DGKB: variants seen among roughly 807,000 people sequenced by gnomAD.
DGKB encodes the protein 90 kDa diacylglycerol kinase.
DGKB carries 67 observed loss-of-function variants against 114.3 expected under a neutral mutation model. The ratio of observed to expected loss-of-function variants is 0.59; its 90% CI spans 0.48 to 0.72. The LOEUF (loss-of-function observed/expected upper bound fraction) is 0.72. DGKB is among the 30% of genes least tolerant of loss of function. The pLI, the probability that DGKB is intolerant of heterozygous loss-of-function variation, is 0.00. For synonymous variants in DGKB, 398 were observed against 323.1 expected (o/e 1.23, Z -2.49); for missense variants, 907 against 975.2 (o/e 0.93, Z 0.93).
rs1272968730 is a variant in DGKB, at chr7:14,801,923, T to TACACAC, written c.70+39270_70+39271insGTGTGT. Among the ~76,000 whole-genome samples the TACACAC allele has an allele frequency of 2.1e-3, 232 of 109,038 alleles. 1 individual carries two copies. The Middle Eastern group carries it at 0.026, about 12-fold the overall frequency. The allele number at this position is 109,038 out of a possible 152,430, so 71.5% of individuals were successfully genotyped here. A position where few individuals can be genotyped will look rare whatever the true frequency, so the allele number is the denominator to read the frequency against. On this transcript the variant is annotated intron_variant, in intron 2 of 25. Coordinates refer to ENST00000402815, the MANE Select transcript of DGKB (RefSeq NM_001350709.2). ...ACACACATATACACACATATATACA[T>TACACAC]ATACACACACACACACACACACACG...
chr7:14,412,339 T>C (rs1825025157), intron 21 of DGKB, among the ~76,000 whole-genome samples: 1 of 152,190 alleles, frequency 6.6e-6, no homozygotes, highest in Non-Finnish European at 1.5e-5. Flanking sequence ...CTGATTGGGA[T>C]AATGCTACAA....
At chr7:14,166,277 A>T in intron 25 of DGKB, among the ~76,000 whole-genome samples, 2 of 152,330 alleles carry the variant, frequency 1.3e-5, no homozygotes, top group Middle Eastern at 6.8e-3. Flanking sequence ...TTTTCTCTCA[A>T]TGTGGTAAAT....
chr7:14,528,254 T>C, intron 20 of DGKB, among the ~76,000 whole-genome samples: 1 of 152,110 alleles, frequency 6.6e-6, no homozygotes, highest in Admixed American at 6.6e-5. Flanking sequence ...AAATAGCCCA[T>C]TCTCTCATGG....
intron 20 of DGKB, among the ~76,000 whole-genome samples, chr7:14,523,784 A>T (rs1325226818): frequency 6.6e-6 from 1 of 152,178 alleles, no homozygotes; most frequent in African/African-American, 2.4e-5. Context: ...TAGTAGAAAG[A>T]GCTTAAGTTT....
At chr7:14,935,043 G>A (rs1446070799) in intron 1 of DGKB, among the ~76,000 whole-genome samples, 1 of 152,148 alleles carries the variant, frequency 6.6e-6, no homozygotes, top group Non-Finnish European at 1.5e-5. Flanking sequence ...GTACAGGAAA[G>A]CATTCAAGTG....
intron 23 of DGKB, among the ~76,000 whole-genome samples, chr7:14,283,932 A>G (rs1800391164): frequency 6.6e-6 from 1 of 152,266 alleles, no homozygotes; most frequent in African/African-American, 2.4e-5. Context: ...CCTAGGCATT[A>G]CCATTCAGGA....
rs1197785050 is a variant in DGKB at position 14,817,415 on chromosome 7, C to T, written c.70+23779G>A. 2.0e-5 allele frequency among the ~76,000 whole-genome samples: 3 copies of T among 152,102 alleles called. No homozygotes were observed. The South Asian group carries it at 6.2e-4, about 32-fold the overall frequency. Reference sequence around the variant, plus strand: ...ACAAACAAAAAAGATGAAATCTAGCCAGATGCTATGATATTTTTTAAAAAA... The same window carrying T: ...ACAAACAAAAAAGATGAAATCTAGCTAGATGCTATGATATTTTTTAAAAAA... On this transcript the variant is annotated intron_variant, in intron 2 of 25. Transcript: ENST00000402815.
intron 20 of DGKB, among the ~76,000 whole-genome samples, chr7:14,488,558 G>C (rs1223551445): frequency 6.6e-6 from 1 of 151,344 alleles, no homozygotes; most frequent in South Asian, 2.1e-4. Context: ...AGTGGCTCAC[G>C]CCTGTTATCC....
intron 1 of DGKB, among the ~76,000 whole-genome samples, chr7:14,872,461 G>T (rs1852617068): frequency 6.6e-6 from 1 of 152,166 alleles, no homozygotes; most frequent in African/African-American, 2.4e-5. Flanking sequence ...AGAATTTACA[G>T]AAAGTAACTT....
chr7:14,924,005 G>T (rs2107583), intron 1 of DGKB, among the ~76,000 whole-genome samples: 44,534 of 107,850 alleles, frequency 0.41, 8,375 homozygotes, highest in African/African-American at 0.56. Flanking sequence ...AAAAAAAAAA[G>T]CTTTGTCCTA....
chr7:14,176,209 T>C (rs529449384), intron 25 of DGKB: 2 of 316,722 alleles, frequency 6.3e-6, no homozygotes, highest in Admixed American at 1.3e-4. Context: ...ACTGTTGGTC[T>C]TGTTCATGTG....
chr7:14,356,669 T>C (rs1814603298), intron 21 of DGKB, among the ~76,000 whole-genome samples: 1 of 152,132 alleles, frequency 6.6e-6, no homozygotes, highest in Admixed American at 6.5e-5. Flanking sequence ...CTTGCTTCTC[T>C]AGTTCTTTTA....
At chr7:14,905,541 GA>G (rs1287517425), upstream of DGKB, among the ~76,000 whole-genome samples, 1 of 152,024 alleles carries the variant, frequency 6.6e-6, no homozygotes. Flanking sequence ...AAAAATAAGA[GA>G]AAAATGAACT....
chr7:14,412,125 T>G (rs904217830), intron 21 of DGKB, among the ~76,000 whole-genome samples: 1 of 152,208 alleles, frequency 6.6e-6, no homozygotes, highest in Admixed American at 6.5e-5. Context: ...ATTGTGTATG[T>G]GTATGCATAG....
chr7:14,584,536 C>A (rs930398894), intron 17 of DGKB, among the ~76,000 whole-genome samples: 7 of 152,162 alleles, frequency 4.6e-5, no homozygotes, highest in African/African-American at 1.7e-4. Flanking sequence ...TAAAATCACA[C>A]TTCCCTGTTT....
intron 13 of DGKB, among the ~76,000 whole-genome samples, chr7:14,655,031 A>G (rs906869765): frequency 3.3e-5 from 5 of 151,832 alleles, no homozygotes; most frequent in African/African-American, 1.2e-4. Flanking sequence ...TGGACAAACA[A>G]GACTATATGA....
At chr7:14,217,985 T>A (rs1789277409) in intron 23 of DGKB, among the ~76,000 whole-genome samples, 1 of 152,154 alleles carries the variant, frequency 6.6e-6, no homozygotes, top group African/African-American at 2.4e-5. Flanking sequence ...AACTTGTTTG[T>A]TTCCTAGTAG....
At chr7:14,210,504 A>G (rs1436019302) in intron 23 of DGKB, among the ~76,000 whole-genome samples, 1 of 152,096 alleles carries the variant, frequency 6.6e-6, no homozygotes, top group African/African-American at 2.4e-5. Context: ...GGAAAATAAC[A>G]GGGTTTTAAT....
At chr7:14,833,237 C>A (rs1274332585) in intron 2 of DGKB, among the ~76,000 whole-genome samples, 1 of 152,094 alleles carries the variant, frequency 6.6e-6, no homozygotes, top group Non-Finnish European at 1.5e-5. Flanking sequence ...TTTTAGTCTC[C>A]TTTTCATCAA....
Sources: gnomAD v4.1 joint callset for allele counts (sites outside exome capture counted in the v4.1 genomes callset) on GRCh38, gnomAD v4.1.1 for gene constraint, MANE v1.5 for transcripts, NCBI Gene and HGNC (gene_info 2026-07-23, HGNC 2026-07-21) for gene names.